Variants in PPP2CA observed in about 807,000 individuals in gnomAD.
PPP2CA encodes the protein serine/threonine-protein phosphatase 2A catalytic subunit alpha isoform.
Under a neutral mutation model 38.8 loss-of-function variants are expected in PPP2CA, and 5 were observed. That is an observed-to-expected ratio of 0.13 (90% CI 0.07 to 0.27). The LOEUF (loss-of-function observed/expected upper bound fraction) is 0.27, where lower values mean the gene tolerates loss of function less well. PPP2CA is among the 10% of genes least tolerant of loss of function. The pLI, the probability that PPP2CA is intolerant of heterozygous loss-of-function variation, is 1.00. For missense variants in PPP2CA, 88 were observed against 389.7 expected (o/e 0.23, Z 6.52); for synonymous variants, 152 against 134.0 (o/e 1.13, Z -0.93).
chr5:134,206,878 A>C (rs1762094653), intron 1 of PPP2CA, among the ~76,000 whole-genome samples: 2 of 152,242 alleles, frequency 1.3e-5, no homozygotes, highest in South Asian at 4.1e-4. Flanking sequence ...GGTGAACAAG[A>C]TGGCTCATTC....
At chr5:134,219,472 G>A (rs1426380689) in intron 1 of PPP2CA, among the ~76,000 whole-genome samples, 1 of 152,172 alleles carries the variant, frequency 6.6e-6, no homozygotes, top group Non-Finnish European at 1.5e-5. Flanking sequence ...TAGGACAAAG[G>A]TTTGCAACCT....
chr5:134,221,692 A>T (rs570487820), intron 1 of PPP2CA, among the ~76,000 whole-genome samples: 2 of 152,220 alleles, frequency 1.3e-5, no homozygotes, highest in Admixed American at 6.5e-5. Context: ...TGTCTTGGCC[A>T]GGCGCGCTGG....
chr5:134,222,353 C>T (rs550739261), intron 1 of PPP2CA, among the ~76,000 whole-genome samples: 66 of 152,216 alleles, frequency 4.3e-4, no homozygotes, highest in African/African-American at 1.6e-3. Flanking sequence ...AACATATTAC[C>T]CAATTCATAT....
rs1274028287 is a variant in PPP2CA, at chr5:134,196,907, G to A, written c.*865C>T. On this transcript the variant is annotated 3_prime_UTR_variant, in exon 7 of 7. Transcript: ENST00000481195. The stretch of plus-strand genomic sequence containing the variant: ...AACAATGTGACAAATTGTAATATGT[G>A]AAATACAAATAAATCCTGAAGTTAA... 1 of 152,630 alleles carries A rather than the reference G, an allele frequency of 6.6e-6. No individual in the cohort carries two copies. Among genetic ancestry groups the A allele is most frequent in the Non-Finnish European group, 1.5e-5 (1 of 68,036 alleles). 9.5% of individuals were successfully genotyped at this position (152,630 alleles called of 1,614,324 possible).
At chr5:134,220,181 G>C (rs1336358911) in intron 1 of PPP2CA, among the ~76,000 whole-genome samples, 1 of 151,832 alleles carries the variant, frequency 6.6e-6, no homozygotes, top group East Asian at 1.9e-4. Flanking sequence ...AAACAGGTCT[G>C]GTGCCAGTGG....
At chr5:134,218,680 TTTTC>T (rs1315189342) in intron 1 of PPP2CA, among the ~76,000 whole-genome samples, 1 of 151,422 alleles carries the variant, frequency 6.6e-6, no homozygotes, top group Non-Finnish European at 1.5e-5. Context: ...TTTTTTTTTT[TTTTC>T]TTTTAAGATG....
At chr5:134,225,477 C>CAG (rs1762551241) in intron 1 of PPP2CA, 1 of 378,960 alleles carries the variant, frequency 2.6e-6, no homozygotes, top group South Asian at 3.1e-5. Context: ...CACAGGGTCT[C>CAG]CGCTCCCCCT....
At chr5:134,199,904 C>G (rs1333538892) in intron 5 of PPP2CA, among the ~76,000 whole-genome samples, 1 of 152,108 alleles carries the variant, frequency 6.6e-6, no homozygotes, top group Non-Finnish European at 1.5e-5. Flanking sequence ...ATGTCAAGAA[C>G]CTTTGCCTCT....
intron 1 of PPP2CA, among the ~76,000 whole-genome samples, chr5:134,219,828 T>A (rs1057014156): frequency 6.6e-6 from 1 of 151,552 alleles, no homozygotes; most frequent in African/African-American, 2.4e-5. Context: ...CTGGCCAACA[T>A]GATGAAACCC....
chr5:134,207,246 A>T (rs1025381349), intron 1 of PPP2CA, among the ~76,000 whole-genome samples: 1 of 152,122 alleles, frequency 6.6e-6, no homozygotes, highest in Non-Finnish European at 1.5e-5. Context: ...TCCACTAAAA[A>T]TAAAAAAAAC....
At chr5:134,225,444 CA>C in intron 1 of PPP2CA, 1 of 279,212 alleles carries the variant, frequency 3.6e-6, no homozygotes, top group Non-Finnish European at 6.9e-6. Context: ...AGCTCACCCT[CA>C]AAACCGTCCC....
Position 134,197,404 on chromosome 5 carries a change from C to CA in PPP2CA, c.*367dup, listed in dbSNP as rs1363124515. ...GATTGTTTGCTGCTATCCTTATCTA[C>CA]AGTCATGCTGAGTAAAGCTATAGCT... On this transcript the variant is annotated 3_prime_UTR_variant, in exon 7 of 7. Coordinates refer to ENST00000481195, the MANE Select transcript of PPP2CA (RefSeq NM_002715.4). 1 of 182,412 alleles carries CA rather than the reference C, an allele frequency of 5.5e-6. No individual in the cohort carries two copies. The highest frequency in any genetic ancestry group is 1.2e-5 in the Non-Finnish European group (1 of 86,936). 11.3% of individuals were successfully genotyped at this position (182,412 alleles called of 1,614,324 possible).
chr5:134,225,437 T>A, intron 1 of PPP2CA: 1 of 254,022 alleles, frequency 3.9e-6, no homozygotes, highest in Non-Finnish European at 7.7e-6. Context: ...CCAAGCCAGC[T>A]CACCCTCAAA....
chr5:134,216,411 A>G (rs1218962827), intron 1 of PPP2CA, among the ~76,000 whole-genome samples: 1 of 151,646 alleles, frequency 6.6e-6, no homozygotes, highest in Non-Finnish European at 1.5e-5. Flanking sequence ...ATGGTGGTGC[A>G]TGCCTGTAAT....
chr5:134,204,934 G>C (rs919533670), intron 2 of PPP2CA, among the ~76,000 whole-genome samples: 2 of 112,782 alleles, frequency 1.8e-5, no homozygotes, highest in African/African-American at 7.2e-5. Context: ...CTTCTTCCTC[G>C]ATATTTTTTT....
At chr5:134,220,283 A>C (rs1762407739) in intron 1 of PPP2CA, among the ~76,000 whole-genome samples, 1 of 151,676 alleles carries the variant, frequency 6.6e-6, no homozygotes, top group Non-Finnish European at 1.5e-5. Flanking sequence ...ACATGGTGAA[A>C]CCCTGTCTCT....
chr5:134,216,967 GA>G (rs1243295847), intron 1 of PPP2CA, among the ~76,000 whole-genome samples: 3 of 152,156 alleles, frequency 2.0e-5, no homozygotes, highest in Admixed American at 6.5e-5. Flanking sequence ...CTCCATTTTT[GA>G]AAGTAATTTT....
At chr5:134,209,232 A>G (rs1762147635) in intron 1 of PPP2CA, among the ~76,000 whole-genome samples, 1 of 152,172 alleles carries the variant, frequency 6.6e-6, no homozygotes, top group South Asian at 2.1e-4. Context: ...AATACTGGCG[A>G]TAACAGTGGT....
chr5:134,224,296 T>C (rs573665452), intron 1 of PPP2CA: 85 of 455,826 alleles, frequency 1.9e-4, no homozygotes, highest in Non-Finnish European at 3.5e-4. Context: ...GGAGATTCAA[T>C]ACATCGCTAC....
Sources: gnomAD v4.1 joint callset for allele counts (sites outside exome capture counted in the v4.1 genomes callset) on GRCh38, gnomAD v4.1.1 for gene constraint, MANE v1.5 for transcripts, NCBI Gene and HGNC (gene_info 2026-07-23, HGNC 2026-07-21) for gene names.